MIR2052HG: variants seen among roughly 807,000 people sequenced by gnomAD.
MIR2052HG encodes MIR2052 host gene.
chr8:74,646,725 C>T (rs746364208), intron 2 of MIR2052HG, among the ~76,000 whole-genome samples: 43 of 152,052 alleles, frequency 2.8e-4, no homozygotes, highest in Non-Finnish European at 4.7e-4. Context: ...CCTAGGAGTT[C>T]GATATCAGAC....
intron 4 of MIR2052HG, among the ~76,000 whole-genome samples, chr8:74,722,910 G>A (rs969649539): frequency 1.3e-4 from 20 of 152,156 alleles, no homozygotes; most frequent in Admixed American, 8.5e-4. Flanking sequence ...AACTGACCAC[G>A]CTCTTAACTT....
At chr8:74,720,354 C>T (rs914923020) in intron 4 of MIR2052HG, among the ~76,000 whole-genome samples, 1 of 152,178 alleles carries the variant, frequency 6.6e-6, no homozygotes, top group Non-Finnish European at 1.5e-5. Flanking sequence ...TAGCCTAGGT[C>T]TATCTCTCTT....
chr8:74,705,503 C>A (rs371025374), intron 4 of MIR2052HG, among the ~76,000 whole-genome samples: 1 of 151,924 alleles, frequency 6.6e-6, no homozygotes, highest in African/African-American at 2.4e-5. Flanking sequence ...CTTTTGATGC[C>A]CCAGACTGTT....
At chr8:74,624,116 G>A (rs1230637686) in intron 2 of MIR2052HG, among the ~76,000 whole-genome samples, 3 of 152,170 alleles carry the variant, frequency 2.0e-5, no homozygotes, top group African/African-American at 7.2e-5. Context: ...TTTAGTTTCA[G>A]CAAAGATAGA....
intron 2 of MIR2052HG, among the ~76,000 whole-genome samples, chr8:74,640,462 C>T (rs563530481): frequency 2.5e-4 from 29 of 114,392 alleles, no homozygotes; most frequent in East Asian, 1.0e-3. Flanking sequence ...GGCAAGACTC[C>T]GTCTCAAAAA....
chr8:74,638,336 C>T (rs888666314), intron 2 of MIR2052HG, among the ~76,000 whole-genome samples: 2 of 152,140 alleles, frequency 1.3e-5, no homozygotes, highest in Admixed American at 6.6e-5. Context: ...GCTTTGTACA[C>T]TGTGTAATCA....
chr8:74,633,606 CTTG>C (rs1235513071), intron 2 of MIR2052HG, among the ~76,000 whole-genome samples: 3 of 152,192 alleles, frequency 2.0e-5, no homozygotes, highest in African/African-American at 7.2e-5. Flanking sequence ...ATGAGTTGTA[CTTG>C]TTATGCGTTT....
intron 4 of MIR2052HG, among the ~76,000 whole-genome samples, chr8:74,724,964 G>A (rs753977099): frequency 6.6e-6 from 1 of 151,980 alleles, no homozygotes; most frequent in Non-Finnish European, 1.5e-5. Context: ...GCCTCACTGA[G>A]GTATGCCTGT....
chr8:74,712,579 A>G (rs2128741864), intron 4 of MIR2052HG, among the ~76,000 whole-genome samples: 1 of 152,332 alleles, frequency 6.6e-6, no homozygotes, highest in African/African-American at 2.4e-5. Context: ...AATAGCCTAT[A>G]AGCAGTGGAT....
chr8:74,724,975 C>G (rs1015318156), intron 4 of MIR2052HG, among the ~76,000 whole-genome samples: 1 of 152,030 alleles, frequency 6.6e-6, no homozygotes, highest in African/African-American at 2.4e-5. Flanking sequence ...GTATGCCTGT[C>G]TCCCCGTGAG....
intron 1 of MIR2052HG, among the ~76,000 whole-genome samples, chr8:74,604,434 G>A (rs975550635): frequency 2.3e-5 from 3 of 130,796 alleles, no homozygotes; most frequent in African/African-American, 5.9e-5. Context: ...CCCCGCGGGC[G>A]GGCGGAGGAG....
intron 2 of MIR2052HG, among the ~76,000 whole-genome samples, chr8:74,697,472 G>A (rs1365776341): frequency 6.6e-5 from 10 of 152,014 alleles, no homozygotes; most frequent in East Asian, 5.8e-4. Flanking sequence ...GAAGTCCTAC[G>A]CAAAGCAATC....
At chr8:74,722,395 T>G (rs1454426603) in intron 4 of MIR2052HG, among the ~76,000 whole-genome samples, 1 of 152,216 alleles carries the variant, frequency 6.6e-6, no homozygotes, top group Non-Finnish European at 1.5e-5. Flanking sequence ...TAATGAAAAT[T>G]AGCATCCTAT....
At chr8:74,680,955 T>A (rs1809117312) in intron 2 of MIR2052HG, among the ~76,000 whole-genome samples, 1 of 150,370 alleles carries the variant, frequency 6.7e-6, no homozygotes. Flanking sequence ...CAGTAAACTA[T>A]CGCAAGAACA....
intron 2 of MIR2052HG, among the ~76,000 whole-genome samples, chr8:74,638,401 T>C (rs1309062227): frequency 1.3e-5 from 2 of 152,168 alleles, no homozygotes; most frequent in Non-Finnish European, 2.9e-5. Flanking sequence ...GCAGGGAACT[T>C]ACATAAACAA....
At chr8:74,687,273 GA>G (rs1809192340) in intron 2 of MIR2052HG, among the ~76,000 whole-genome samples, 1 of 152,058 alleles carries the variant, frequency 6.6e-6, no homozygotes, top group Admixed American at 6.6e-5. Context: ...AGCAGTTATG[GA>G]AAACAGTATG....
At chr8:74,621,889 A>G (rs1036257946) in intron 2 of MIR2052HG, among the ~76,000 whole-genome samples, 1 of 152,228 alleles carries the variant, frequency 6.6e-6, no homozygotes, top group African/African-American at 2.4e-5. Flanking sequence ...CACCATGTAC[A>G]AAAACCAACT....
At chr8:74,638,262 T>C (rs1420027597) in intron 2 of MIR2052HG, among the ~76,000 whole-genome samples, 3 of 152,066 alleles carry the variant, frequency 2.0e-5, no homozygotes, top group African/African-American at 7.2e-5. Flanking sequence ...TGTGACAAAT[T>C]CAATATTATT....
chr8:74,679,182 G>A (rs1809090669), intron 2 of MIR2052HG, among the ~76,000 whole-genome samples: 1 of 151,980 alleles, frequency 6.6e-6, no homozygotes, highest in Non-Finnish European at 1.5e-5. Flanking sequence ...CGAGATTTTT[G>A]TGCACCTGTC....
Sources: allele counts gnomAD v4.1 joint callset (sites outside exome capture counted in the v4.1 genomes callset), GRCh38; gene constraint gnomAD v4.1.1; transcripts MANE v1.5; gene names NCBI Gene and HGNC (gene_info 2026-07-23, HGNC 2026-07-21).